The following CD99 variants were observed in gnomAD, a reference collection of about 807,000 sequenced individuals.
The protein encoded by CD99 is CD99 molecule (Xg blood group).
A neutral mutation model predicts 28.4 loss-of-function variants in CD99; 19 were observed. The ratio of observed to expected loss-of-function variants is 0.67; its 90% confidence interval spans 0.47 to 0.98. The LOEUF is 0.98. Among genes scored for constraint, CD99 ranks in the 50% least tolerant of loss-of-function variants. The pLI, the probability that CD99 is intolerant of heterozygous loss-of-function variation, is 0.00. For missense variants in CD99, 283 were observed against 248.8 expected, an observed-to-expected ratio of 1.14 and a Z score of -0.92; for synonymous variants, 103 against 92.1, an observed-to-expected ratio of 1.12 and a Z score of -0.67.
At chrX:2,733,003 T>C (rs1345390012) in intron 8 of CD99, among the ~76,000 whole-genome samples, 1 of 142,606 alleles carries the variant, frequency 7.0e-6, no homozygotes, top group Non-Finnish European at 1.5e-5. Flanking sequence ...CCTCCCTCCC[T>C]TCCTCCATAC....
At chrX:2,692,798 C>T (rs2047391613) in intron 1 of CD99, among the ~76,000 whole-genome samples, 1 of 152,196 alleles carries the variant, frequency 6.6e-6, no homozygotes, top group Non-Finnish European at 1.5e-5. Flanking sequence ...ATTCCTTCAT[C>T]CTTCATGCCT....
intron 7 of CD99, among the ~76,000 whole-genome samples, chrX:2,725,196 C>T (rs928713882): frequency 4.0e-5 from 6 of 151,456 alleles, no homozygotes; most frequent in African/African-American, 1.2e-4. Context: ...GCTGGGAGTT[C>T]GAGATCAGAC....
intron 1 of CD99, among the ~76,000 whole-genome samples, chrX:2,702,521 G>A (rs1483645127): frequency 6.6e-6 from 1 of 152,186 alleles, no homozygotes; most frequent in Non-Finnish European, 1.5e-5. Flanking sequence ...CTGTATTTGT[G>A]ACTTGCCTGC....
At chrX:2,691,823 G>C in intron 1 of CD99, 1 of 777,034 alleles carries the variant, frequency 1.3e-6, no homozygotes, top group Non-Finnish European at 2.4e-6. Flanking sequence ...CGCGCGCGGA[G>C]GCCGCCCTGG....
In CD99 at chrX:2,712,858, C is replaced by G. The variant is rs181219473; in HGVS notation, c.68-1564C>G. ...TCAAAACACACCTTCACACTATACT[C>G]ACCTACCCATACACACACGTGCACA... On this transcript the variant is annotated intron_variant, in intron 1 of 9. Transcript: ENST00000381192. Among the ~76,000 whole-genome samples, 1,127 of 152,220 alleles carry G rather than the reference C, an allele frequency of 7.4e-3. 15 individuals are homozygous for G. The highest frequency in any genetic ancestry group is 0.024 in the African/African-American group (1,016 of 41,518).
intron 1 of CD99, among the ~76,000 whole-genome samples, chrX:2,706,063 G>GAAAAA (rs3047482): frequency 1.4e-5 from 2 of 142,954 alleles, no homozygotes; most frequent in Middle Eastern, 3.3e-3. Flanking sequence ...ACGTTAAAAA[G>GAAAAA]AAAAAAAAAA....
intron 1 of CD99, among the ~76,000 whole-genome samples, chrX:2,711,497 C>T (rs2048409803): frequency 6.6e-6 from 1 of 151,436 alleles, no homozygotes; most frequent in Non-Finnish European, 1.5e-5. Context: ...GTCAAAGAGA[C>T]ACTCCCCTCC....
At chrX:2,713,207 CACAT>C (rs1202667277) in intron 1 of CD99, among the ~76,000 whole-genome samples, 4 of 151,900 alleles carry the variant, frequency 2.6e-5, no homozygotes, top group Admixed American at 6.6e-5. Context: ...ACAGAACCCA[CACAT>C]ACATGCATCC....
At position 2,719,723 on chromosome X, in the gene CD99, ATC is replaced by A; in HGVS notation, c.193+22_193+23del. The A allele has an allele frequency of 6.2e-7, 1 of 1,610,374 alleles. No individual in the cohort carries two copies. Among genetic ancestry groups the A allele is most frequent in the Non-Finnish European group, 8.5e-7 (1 of 1,176,732 alleles). On this transcript the variant is annotated intron_variant, in intron 4 of 9. Coordinates refer to ENST00000381192, the MANE Select transcript of CD99 (RefSeq NM_002414.5). ...AGAAAATGGTGAGTATTTTCCTTTA[ATC>A]TCTTCTGCTGCTGATCTGCTTATTA...
At chrX:2,719,571 G>C in intron 3 of CD99, 90 bp from the exon 4 acceptor site, 1 of 997,292 alleles carries the variant, frequency 1.0e-6, no homozygotes, top group Non-Finnish European at 1.6e-6. Context: ...GGAATGTGGG[G>C]CCGTGGTGTG....
At chrX:2,740,290 G>T (rs1464232673) in intron 9 of CD99, among the ~76,000 whole-genome samples, 2 of 152,104 alleles carry the variant, frequency 1.3e-5, no homozygotes, top group Non-Finnish European at 2.9e-5. Flanking sequence ...GAAGGGCGTG[G>T]CATTCCAGTG....
intron 1 of CD99, among the ~76,000 whole-genome samples, chrX:2,712,029 T>C (rs1444139667): frequency 6.6e-6 from 1 of 152,104 alleles, no homozygotes; most frequent in Non-Finnish European, 1.5e-5. Context: ...AGAGTGAGAC[T>C]CTGTCTCAAA....
intron 1 of CD99, among the ~76,000 whole-genome samples, chrX:2,713,754 T>C (rs779022714): frequency 8.7e-4 from 132 of 152,316 alleles, no homozygotes; most frequent in South Asian, 1.7e-3. Context: ...GTGGGGACGC[T>C]GGATGTTGAC....
chrX:2,722,355 T>A (rs2049033263), intron 5 of CD99, among the ~76,000 whole-genome samples: 2 of 152,162 alleles, frequency 1.3e-5, no homozygotes, highest in African/African-American at 4.8e-5. Flanking sequence ...AGTTTAGCTC[T>A]TCTTGCCCAG....
At chrX:2,707,635 A>G (rs754109951) in intron 1 of CD99, among the ~76,000 whole-genome samples, 74 of 152,284 alleles carry the variant, frequency 4.9e-4, no homozygotes, top group African/African-American at 1.8e-3. Flanking sequence ...TGTCCCGGAA[A>G]CATCTGGAGC....
At chrX:2,714,327 C>G in intron 1 of CD99, 95 bp from the exon 2 acceptor site, 1 of 1,059,784 alleles carries the variant, frequency 9.4e-7, no homozygotes, top group Non-Finnish European at 1.4e-6. Flanking sequence ...TTAAATATCA[C>G]AAAAAGAAAA....
At chrX:2,691,884 C>T (rs2047320380) in intron 1 of CD99, 1 of 779,176 alleles carries the variant, frequency 1.3e-6, no homozygotes, top group Admixed American at 1.7e-5. Flanking sequence ...TTTGGAATCG[C>T]TAGGAGCCTG....
chrX:2,701,211 G>GCATC (rs1237928374), intron 1 of CD99, among the ~76,000 whole-genome samples: 17 of 132,750 alleles, frequency 1.3e-4, no homozygotes, highest in African/African-American at 4.3e-4. Flanking sequence ...ACCCACGCAT[G>GCATC]CATCCATCCA....
At chrX:2,696,434 C>A (rs1186175091) in intron 1 of CD99, among the ~76,000 whole-genome samples, 1 of 152,066 alleles carries the variant, frequency 6.6e-6, no homozygotes, top group Non-Finnish European at 1.5e-5. Flanking sequence ...AAGTCTCGCT[C>A]TTTTTCCCCA....
Sources: allele counts gnomAD v4.1 joint callset (sites outside exome capture counted in the v4.1 genomes callset), GRCh38; gene constraint gnomAD v4.1.1; transcripts MANE v1.5; gene names NCBI Gene and HGNC (gene_info 2026-07-23, HGNC 2026-07-21).